FIRRM: variants seen among roughly 807,000 people sequenced by gnomAD.
The protein encoded by FIRRM is FIGNL1-interacting regulator of recombination and mitosis.
the FIRRM span, chr1:169,829,314 ACT>A: frequency 1.2e-6 from 2 of 1,609,252 alleles, no homozygotes; most frequent in Non-Finnish European, 1.7e-6. Flanking sequence ...GTTCTGGTGA[ACT>A]CTCTCTACCT....
chr1:169,829,257 C>T, the FIRRM span: 3 of 1,534,694 alleles, frequency 2.0e-6, no homozygotes, highest in Non-Finnish European at 2.6e-6. Context: ...CTCAATTTCC[C>T]TGCAGGATAT....
chr1:169,823,837 A>G, the FIRRM span, among the ~76,000 whole-genome samples: 1 of 152,114 alleles, frequency 6.6e-6, no homozygotes, highest in Non-Finnish European at 1.5e-5. Flanking sequence ...GCCTCCATTT[A>G]AATTTACATT....
the FIRRM span, among the ~76,000 whole-genome samples, chr1:169,821,432 G>T: frequency 6.6e-6 from 1 of 151,968 alleles, no homozygotes; most frequent in Admixed American, 6.5e-5. Context: ...TTTTGCTATC[G>T]TAGGTTAAGA....
chr1:169,792,668 T>C, the FIRRM span: 17 of 1,612,626 alleles, frequency 1.1e-5, no homozygotes, highest in Non-Finnish European at 1.4e-5. Context: ...AACATCTCTT[T>C]CTTCTACAAA....
chr1:169,835,804 T>C, the FIRRM span, among the ~76,000 whole-genome samples: 1 of 152,208 alleles, frequency 6.6e-6, no homozygotes, highest in Admixed American at 6.5e-5. Flanking sequence ...AAAGGTGATA[T>C]TTGAACTGAT....
At chr1:169,819,250 A>G in the FIRRM span, among the ~76,000 whole-genome samples, 7 of 152,224 alleles carry the variant, frequency 4.6e-5, no homozygotes, top group African/African-American at 1.7e-4. Flanking sequence ...TGATCAGCCC[A>G]TCACTCATGG....
the FIRRM span, chr1:169,832,355 C>T: frequency 3.4e-6 from 4 of 1,162,690 alleles, no homozygotes; most frequent in East Asian, 4.7e-5. Context: ...ATATTCTCTT[C>T]TTGTAAAAAT....
At chr1:169,804,303 GTC>G in the FIRRM span, 4 of 1,124,124 alleles carry the variant, frequency 3.6e-6, no homozygotes, top group East Asian at 1.2e-4. Context: ...AATTAAAATT[GTC>G]TCTAATGATT....
chr1:169,809,767 A>G, the FIRRM span, among the ~76,000 whole-genome samples: 8 of 152,152 alleles, frequency 5.3e-5, no homozygotes, highest in Non-Finnish European at 1.0e-4. Context: ...GGTGGACTGT[A>G]TAATTTCTTC....
chr1:169,804,322 A>G, the FIRRM span: 2 of 1,029,206 alleles, frequency 1.9e-6, no homozygotes, highest in Admixed American at 3.1e-5. Context: ...GATTCATGTT[A>G]TTTTCTTACT....
the FIRRM span, chr1:169,807,948 G>A: frequency 6.3e-7 from 1 of 1,595,090 alleles, no homozygotes; most frequent in Non-Finnish European, 8.5e-7. Flanking sequence ...TGGGCTAATA[G>A]CATTTTAAAC....
At chr1:169,816,123 CA>C in the FIRRM span, among the ~76,000 whole-genome samples, 1 of 152,136 alleles carries the variant, frequency 6.6e-6, no homozygotes, top group Non-Finnish European at 1.5e-5. Flanking sequence ...ACACAGAGAA[CA>C]ACAGCAGTAT....
At chr1:169,826,577 G>A in the FIRRM span, among the ~76,000 whole-genome samples, 4 of 146,326 alleles carry the variant, frequency 2.7e-5, no homozygotes, top group South Asian at 8.7e-4. Flanking sequence ...TGGCAAGGCT[G>A]GTCTTGAACT....
the FIRRM span, chr1:169,804,483 A>T: frequency 3.9e-6 from 1 of 255,062 alleles, no homozygotes; most frequent in African/African-American, 2.2e-5. Flanking sequence ...ATAACTTTAT[A>T]ATCTCTGAGG....
the FIRRM span, chr1:169,793,374 C>T: frequency 1.2e-6 from 2 of 1,614,160 alleles, no homozygotes; most frequent in Non-Finnish European, 1.7e-6. Flanking sequence ...TTCTTTAAAT[C>T]TTTAGGCATA....
chr1:169,792,144 C>T, the FIRRM span, among the ~76,000 whole-genome samples: 1 of 152,084 alleles, frequency 6.6e-6, no homozygotes, highest in South Asian at 2.1e-4. Context: ...AATATAAAAA[C>T]AAAACGAAAC....
At chr1:169,847,870 G>A in the FIRRM span, 1 of 1,090,702 alleles carries the variant, frequency 9.2e-7, no homozygotes, top group Non-Finnish European at 1.3e-6. Flanking sequence ...GTGATTAAGG[G>A]ATTTTTAGGC....
chr1:169,800,896 T>A, the FIRRM span: 3 of 1,571,026 alleles, frequency 1.9e-6, no homozygotes, highest in Non-Finnish European at 2.6e-6. Context: ...TTTTGAAAAT[T>A]ATTGTAGAAA....
At chr1:169,826,769 G>A in the FIRRM span, among the ~76,000 whole-genome samples, 1 of 152,038 alleles carries the variant, frequency 6.6e-6, no homozygotes, top group South Asian at 2.1e-4. Flanking sequence ...TATTTTTAAG[G>A]ATATTGTGAA....
Sources: allele counts gnomAD v4.1 joint callset (sites outside exome capture counted in the v4.1 genomes callset), GRCh38; gene constraint gnomAD v4.1.1; transcripts MANE v1.5; gene names NCBI Gene and HGNC (gene_info 2026-07-23, HGNC 2026-07-21).